LAMA2: variants seen among roughly 807,000 people sequenced by gnomAD.
LAMA2 encodes laminin subunit alpha 2, also known as laminin subunit alpha-2.
LAMA2 carries 269 observed loss-of-function variants against 364.8 expected under a neutral mutation model. The observed-to-expected ratio is 0.74, with a 90% CI of 0.67 to 0.82. The LOEUF (loss-of-function observed/expected upper bound fraction) is 0.82, where lower values mean the gene tolerates loss of function less well. Among genes scored for constraint, LAMA2 ranks in the 40% least tolerant of loss-of-function variants. The pLI is 0.00. For missense variants in LAMA2, 3,807 were observed against 3,873.2 expected (o/e 0.98, Z 0.45); for synonymous variants, 1,379 against 1,370.6 (o/e 1.01, Z -0.14).
chr6:129,059,587 C>T (rs913858009), intron 2 of LAMA2, among the ~76,000 whole-genome samples, 197 bp from the exon 3 acceptor site: 10 of 152,272 alleles, frequency 6.6e-5, no homozygotes, highest in African/African-American at 2.4e-4. Flanking sequence ...TTCCTGCTAC[C>T]TTGTATGGTG....
At chr6:128,886,622 A>T (rs747470082) in intron 1 of LAMA2, among the ~76,000 whole-genome samples, 17 of 152,306 alleles carry the variant, frequency 1.1e-4, no homozygotes, top group Non-Finnish European at 2.1e-4. Flanking sequence ...TGAACAAGGA[A>T]AGATTTAGGG....
chr6:128,921,675 C>T (rs1271687443), intron 1 of LAMA2, among the ~76,000 whole-genome samples: 1 of 149,908 alleles, frequency 6.7e-6, no homozygotes, highest in Non-Finnish European at 1.5e-5. Context: ...TTACAGCCTC[C>T]TGAACTGTGA....
At chr6:129,102,246 C>G (rs1775561180) in intron 4 of LAMA2, among the ~76,000 whole-genome samples, 1 of 151,550 alleles carries the variant, frequency 6.6e-6, no homozygotes, top group African/African-American at 2.4e-5. Flanking sequence ...AAGTGGTTCT[C>G]CTGCCTCAGC....
At chr6:129,168,139 C>A (rs1333746041) in intron 9 of LAMA2, among the ~76,000 whole-genome samples, 2 of 141,464 alleles carry the variant, frequency 1.4e-5, no homozygotes, top group Non-Finnish European at 3.1e-5. Context: ...ATGGTAGTTT[C>A]TTTTGCTGTG....
chr6:129,171,509 C>G (rs945651668), intron 9 of LAMA2, among the ~76,000 whole-genome samples: 2 of 152,226 alleles, frequency 1.3e-5, no homozygotes, highest in East Asian at 3.9e-4. Flanking sequence ...GGCCCCCACT[C>G]TCTTCCGGCT....
intron 1 of LAMA2, among the ~76,000 whole-genome samples, chr6:128,943,160 G>T (rs1479053051): frequency 6.6e-6 from 1 of 152,096 alleles, no homozygotes; most frequent in South Asian, 2.1e-4. Flanking sequence ...GGTCTTGTGT[G>T]TGTGTGTATA....
intron 1 of LAMA2, chr6:128,929,936 A>G (rs1170961997): frequency 9.1e-6 from 7 of 769,752 alleles, no homozygotes; most frequent in Non-Finnish European, 1.3e-5. Context: ...CGCGGCCCAC[A>G]GCCCCACCTG....
intron 10 of LAMA2, among the ~76,000 whole-genome samples, chr6:129,178,311 AT>A (rs1209184674): frequency 6.6e-6 from 1 of 152,102 alleles, no homozygotes; most frequent in Non-Finnish European, 1.5e-5. Context: ...TTATATTCAA[AT>A]TTTTCTGTTC....
rs548821025 is a variant in LAMA2 at position 129,208,327 on chromosome 6, T to A, written c.1782+15474T>A. 9.9e-5 allele frequency among the ~76,000 whole-genome samples: 15 copies of A among 152,248 alleles called. No individual in the cohort carries two copies. The South Asian group carries it at 2.7e-3, about 27-fold the overall frequency. On this transcript the variant is annotated intron_variant, in intron 12 of 64. Transcript: ENST00000421865. The stretch of plus-strand genomic sequence containing the variant: ...TGAGGGTTAAATGAGTTAACACATA[T>A]GCAGTACTCAAGATGGTGTCTGAAA...
At chr6:128,887,317 G>T (rs1251007868) in intron 1 of LAMA2, among the ~76,000 whole-genome samples, 2 of 151,740 alleles carry the variant, frequency 1.3e-5, no homozygotes, top group African/African-American at 4.8e-5. Context: ...TAACTTTTTG[G>T]CTTGTTTGCC....
intron 4 of LAMA2, among the ~76,000 whole-genome samples, chr6:129,108,722 A>G (rs1226648949): frequency 6.6e-6 from 1 of 152,194 alleles, no homozygotes; most frequent in African/African-American, 2.4e-5. Flanking sequence ...AATAATAGTA[A>G]CTTATATGCA....
At chr6:129,040,588 C>T (rs938663451) in intron 1 of LAMA2, among the ~76,000 whole-genome samples, 12 of 152,116 alleles carry the variant, frequency 7.9e-5, no homozygotes, top group African/African-American at 2.4e-4. Context: ...ATGATCATGC[C>T]ACTGCACTCC....
intron 40 of LAMA2, among the ~76,000 whole-genome samples, chr6:129,416,053 A>G (rs1583696554): frequency 1.3e-5 from 1 of 79,160 alleles, no homozygotes; most frequent in South Asian, 5.2e-4. Flanking sequence ...GGTTCACGCC[A>G]TTCTCCTGCC....
At chr6:128,894,936 T>G (rs1417685939) in intron 1 of LAMA2, among the ~76,000 whole-genome samples, 2 of 152,250 alleles carry the variant, frequency 1.3e-5, no homozygotes, top group Non-Finnish European at 2.9e-5. Context: ...TACCTATGGA[T>G]AATGTATTGT....
At position 129,270,642 on chromosome 6, in the gene LAMA2, G is replaced by GATCACACAA. The variant is rs1787863822; in HGVS notation, c.2341_2342insATCACACAA (p.Gly781delinsAspHisThrSer). ...TTCTCAGAACTGTAAGGATCACACA[G>GATCACACAA]GTGGCCCATATTGTGATAAATGTCT... is the stretch of plus-strand genomic sequence containing the variant. On this transcript the variant is annotated protein_altering_variant, in exon 17 of 65. Coordinates refer to ENST00000421865, the MANE Select transcript of LAMA2 (RefSeq NM_000426.4). The GATCACACAA allele has an allele frequency of 2.5e-6, 4 of 1,612,806 alleles. No individual in the cohort carries two copies. Among genetic ancestry groups the GATCACACAA allele is most frequent in the Admixed American group, 1.7e-5 (1 of 59,830 alleles).
At chr6:129,166,209 A>T (rs1317725469) in intron 9 of LAMA2, among the ~76,000 whole-genome samples, 3 of 152,204 alleles carry the variant, frequency 2.0e-5, no homozygotes, top group Non-Finnish European at 4.4e-5. Context: ...AATTTAAGCT[A>T]AAGCCTTCCT....
At chr6:129,515,390 T>C (rs1786968359) in intron 64 of LAMA2, among the ~76,000 whole-genome samples, 1 of 152,244 alleles carries the variant, frequency 6.6e-6, no homozygotes, top group Admixed American at 6.5e-5. Context: ...AAGTGGCTTC[T>C]GTGTTTTAAA....
At chr6:128,886,110 C>T (rs946383691) in intron 1 of LAMA2, among the ~76,000 whole-genome samples, 1 of 152,080 alleles carries the variant, frequency 6.6e-6, no homozygotes, top group Admixed American at 6.6e-5. Flanking sequence ...TTCTTATACT[C>T]AACTATCTTG....
At chr6:129,216,678 T>A (rs265362) in intron 12 of LAMA2, among the ~76,000 whole-genome samples, 151,962 of 152,280 alleles carry the variant, frequency 1, 75,823 homozygotes, top group Non-Finnish European at 1. Flanking sequence ...GGTGGATATT[T>A]ACTCAGTAAA....
Sources: gnomAD v4.1 joint callset for allele counts (sites outside exome capture counted in the v4.1 genomes callset) on GRCh38, gnomAD v4.1.1 for gene constraint, MANE v1.5 for transcripts, NCBI Gene and HGNC (gene_info 2026-07-23, HGNC 2026-07-21) for gene names.